The following ZPBP variants were observed in gnomAD, a reference collection of about 807,000 sequenced individuals.
ZPBP encodes the protein zona pellucida binding protein, also known as zona pellucida-binding protein 1.
In ZPBP, 26 loss-of-function variants were observed where a neutral mutation model predicts 44.8. The ratio of observed to expected loss-of-function variants is 0.58; its 90% CI spans 0.43 to 0.81. The LOEUF (loss-of-function observed/expected upper bound fraction) is 0.81, where lower values mean the gene tolerates loss of function less well. Among genes scored for constraint, ZPBP ranks in the 30% least tolerant of loss-of-function variants. The probability of loss-of-function intolerance (pLI) is 0.00; values close to 1 mark genes in which losing one functional copy is unlikely to be tolerated. For synonymous variants in ZPBP, 174 were observed against 153.2 expected, an observed-to-expected ratio of 1.14 and a Z score of -1.00; for missense variants, 409 against 434.0, an observed-to-expected ratio of 0.94 and a Z score of 0.51.
intron 3 of ZPBP, among the ~76,000 whole-genome samples, chr7:50,071,504 G>T (rs1333656896): frequency 1.3e-5 from 2 of 152,156 alleles, no homozygotes; most frequent in African/African-American, 4.8e-5. Context: ...AACTGAGGGG[G>T]CACACACCTG....
chr7:49,883,690 C>T (rs598871), intron 2 of ZPBP, among the ~76,000 whole-genome samples: 117,303 of 152,126 alleles, frequency 0.77, 45,509 homozygotes, highest in East Asian at 0.88. Context: ...CTTCCGATAG[C>T]TGCACTTCCT....
At chr7:49,849,949 A>G (rs1357624976), downstream of ZPBP, among the ~76,000 whole-genome samples, 1 of 152,174 alleles carries the variant, frequency 6.6e-6, no homozygotes, top group East Asian at 1.9e-4. Flanking sequence ...AGCATGGTGC[A>G]CAGGAAGACT....
chr7:49,966,998 A>G (rs1303794148), intron 7 of ZPBP, among the ~76,000 whole-genome samples: 2 of 152,104 alleles, frequency 1.3e-5, no homozygotes, highest in Non-Finnish European at 2.9e-5. Context: ...AAATTCTACA[A>G]GCAGAAAATG....
At chr7:49,869,141 CT>C in intron 2 of ZPBP, among the ~76,000 whole-genome samples, 1 of 151,932 alleles carries the variant, frequency 6.6e-6, no homozygotes, top group East Asian at 1.9e-4. Context: ...TAGTTATGTG[CT>C]TAAACACTAC....
chr7:49,990,785 T>C (rs1041814433), intron 6 of ZPBP, among the ~76,000 whole-genome samples: 3 of 152,178 alleles, frequency 2.0e-5, no homozygotes, highest in Non-Finnish European at 4.4e-5. Flanking sequence ...GCCAAGCTCA[T>C]TGTGAATAAA....
chr7:49,896,881 A>ATTT (rs36066373), intron 2 of ZPBP, among the ~76,000 whole-genome samples: 26 of 95,042 alleles, frequency 2.7e-4, no homozygotes, highest in South Asian at 3.4e-4. Context: ...TGGATTGATA[A>ATTT]TTTTTTTTTT....
intron 7 of ZPBP, among the ~76,000 whole-genome samples, chr7:49,979,824 CAT>C (rs56222305): frequency 0.68 from 75,858 of 112,176 alleles, 25,921 homozygotes; most frequent in East Asian, 0.84. Flanking sequence ...TGGAGTTATA[CAT>C]ATATATATAT....
chr7:50,092,960 G>A (rs1156964398), intron 1 of ZPBP, 108 bp downstream of exon 1: 6 of 1,433,576 alleles, frequency 4.2e-6, no homozygotes, highest in Non-Finnish European at 5.5e-6. Flanking sequence ...TAGTGAGCAA[G>A]GTGTCTCTAT....
intron 4 of ZPBP, among the ~76,000 whole-genome samples, chr7:50,035,421 T>C (rs531163167): frequency 2.0e-5 from 3 of 152,212 alleles, no homozygotes; most frequent in Admixed American, 6.5e-5. Flanking sequence ...TAAGTGCAAA[T>C]ATCAACACAG....
chr7:50,058,488 C>A (rs917460314), intron 3 of ZPBP, among the ~76,000 whole-genome samples: 9 of 152,048 alleles, frequency 5.9e-5, no homozygotes, highest in Admixed American at 3.9e-4. Context: ...TACATATATA[C>A]ATATACTTTA....
chr7:49,846,864 C>T (rs1789962834), downstream of ZPBP, among the ~76,000 whole-genome samples: 1 of 152,168 alleles, frequency 6.6e-6, no homozygotes, highest in Non-Finnish European at 1.5e-5. Flanking sequence ...ACTCTGACAC[C>T]TTGGCAGTTT....
intron 6 of ZPBP, among the ~76,000 whole-genome samples, chr7:50,006,066 TGATGAAAGGGCCA>T (rs1423034737): frequency 1.3e-5 from 2 of 151,940 alleles, no homozygotes; most frequent in Middle Eastern, 3.4e-3. Context: ...CATTATATAA[TGATGAAAGGGCCA>T]ATTCAACAAC....
intron 6 of ZPBP, among the ~76,000 whole-genome samples, chr7:49,997,568 G>A (rs1402112288): frequency 6.6e-6 from 1 of 152,162 alleles, no homozygotes; most frequent in Non-Finnish European, 1.5e-5. Context: ...GTAAAGGGAG[G>A]TATTAGTGTT....
chr7:49,986,259 G>A (rs1021871265), intron 6 of ZPBP, among the ~76,000 whole-genome samples: 8 of 152,158 alleles, frequency 5.3e-5, no homozygotes, highest in African/African-American at 1.7e-4. Flanking sequence ...CTGGGGGTCA[G>A]GAATGTCAAC....
intron 2 of ZPBP, among the ~76,000 whole-genome samples, chr7:50,084,877 G>T (rs1037010091): frequency 6.6e-6 from 1 of 151,964 alleles, no homozygotes; most frequent in African/African-American, 2.4e-5. Flanking sequence ...GAAAAGTGTA[G>T]AAATTATCAG....
intron 6 of ZPBP, among the ~76,000 whole-genome samples, chr7:49,988,794 A>G (rs1797433825): frequency 6.6e-6 from 1 of 151,820 alleles, no homozygotes; most frequent in South Asian, 2.1e-4. Context: ...AAGAGTTGAA[A>G]TGTTCACAAA....
At chr7:50,041,839 G>A (rs906489434) in intron 4 of ZPBP, among the ~76,000 whole-genome samples, 3 of 152,210 alleles carry the variant, frequency 2.0e-5, no homozygotes, top group Admixed American at 6.5e-5. Flanking sequence ...TAAACTGACA[G>A]AAGTAAGCTT....
intron 1 of ZPBP, chr7:49,919,653 GTGTA>G (rs1793918856): frequency 6.6e-6 from 1 of 152,058 alleles, no homozygotes; most frequent in Non-Finnish European, 1.5e-5. Context: ...TAGTTTCAAG[GTGTA>G]TGCTATTTCT....
intron 2 of ZPBP, among the ~76,000 whole-genome samples, chr7:49,873,277 T>C (rs1791250499): frequency 6.6e-6 from 1 of 152,186 alleles, no homozygotes; most frequent in African/African-American, 2.4e-5. Flanking sequence ...TCAAGAGGCC[T>C]GCAGATTCAG....
Sources: gnomAD v4.1 joint callset for allele counts (sites outside exome capture counted in the v4.1 genomes callset) on GRCh38, gnomAD v4.1.1 for gene constraint, MANE v1.5 for transcripts, NCBI Gene and HGNC (gene_info 2026-07-23, HGNC 2026-07-21) for gene names.